PDE4B: variants seen among roughly 807,000 people sequenced by gnomAD.
PDE4B encodes the protein 3',5'-cyclic-AMP phosphodiesterase 4B.
Under a neutral mutation model 82.2 loss-of-function variants are expected in PDE4B, and 20 were observed. That is an observed-to-expected ratio of 0.24 (90% confidence interval 0.17 to 0.35). The LOEUF (loss-of-function observed/expected upper bound fraction) is 0.35, where lower values mean the gene tolerates loss of function less well. Among genes scored for constraint, PDE4B ranks in the 10% least tolerant of loss-of-function variants. PDE4B has a pLI of 1.00. For synonymous variants in PDE4B, 320 were observed against 318.9 expected, an observed-to-expected ratio of 1.00 and a Z score of -0.04; for missense variants, 655 against 907.2, an observed-to-expected ratio of 0.72 and a Z score of 3.57.
chr1:66,006,222 A>T (rs539295586), intron 3 of PDE4B, among the ~76,000 whole-genome samples: 1 of 152,296 alleles, frequency 6.6e-6, no homozygotes, highest in South Asian at 2.1e-4. Context: ...GCATTTGTGT[A>T]TGTTAGTCCT....
intron 1 of PDE4B, among the ~76,000 whole-genome samples, chr1:65,858,045 C>A (rs1237289153): frequency 6.6e-6 from 1 of 152,150 alleles, no homozygotes; most frequent in East Asian, 1.9e-4. Flanking sequence ...TTTGTCTGAA[C>A]TTCGAAGTTC....
chr1:66,207,406 A>G (rs926831903), intron 3 of PDE4B, among the ~76,000 whole-genome samples: 3 of 152,194 alleles, frequency 2.0e-5, no homozygotes, highest in Non-Finnish European at 4.4e-5. Flanking sequence ...TGATGTTGTA[A>G]ATATTTATGA....
chr1:66,034,649 A>G (rs1653971958), intron 3 of PDE4B, among the ~76,000 whole-genome samples: 1 of 152,188 alleles, frequency 6.6e-6, no homozygotes, highest in African/African-American at 2.4e-5. Context: ...TTGAACTCAC[A>G]CACAACCTTT....
intron 3 of PDE4B, among the ~76,000 whole-genome samples, chr1:65,973,418 T>G (rs973622423): frequency 1.3e-5 from 2 of 152,162 alleles, no homozygotes; most frequent in African/African-American, 4.8e-5. Flanking sequence ...TGGGTTTGAA[T>G]AAAACTTCAG....
intron 3 of PDE4B, among the ~76,000 whole-genome samples, chr1:66,246,309 AC>A (rs1653306341): frequency 6.6e-6 from 1 of 152,236 alleles, no homozygotes; most frequent in African/African-American, 2.4e-5. Flanking sequence ...AGCAAAATCC[AC>A]CCAAAGTGAG....
At chr1:66,239,531 T>C (rs911681417) in intron 3 of PDE4B, among the ~76,000 whole-genome samples, 1 of 152,202 alleles carries the variant, frequency 6.6e-6, no homozygotes, top group Admixed American at 6.5e-5. Context: ...AAGACATACT[T>C]TGTAATTCCT....
chr1:65,919,181 A>G (rs1231548954), intron 3 of PDE4B, among the ~76,000 whole-genome samples: 1 of 152,244 alleles, frequency 6.6e-6, no homozygotes, highest in Non-Finnish European at 1.5e-5. Flanking sequence ...AAAACAAATT[A>G]CATGTTACTA....
chr1:66,194,070 T>C (rs979675202), intron 3 of PDE4B, among the ~76,000 whole-genome samples: 2 of 152,010 alleles, frequency 1.3e-5, no homozygotes, highest in African/African-American at 4.8e-5. Flanking sequence ...GGCTGCACTT[T>C]GAACTAACTC....
intron 3 of PDE4B, among the ~76,000 whole-genome samples, chr1:65,932,923 C>G (rs1362835601): frequency 6.6e-6 from 1 of 151,790 alleles, no homozygotes. Flanking sequence ...AAACGAATGA[C>G]AAAAATAAAG....
Position 66,164,668 on chromosome 1 carries a change from G to A in PDE4B, c.282-82792G>A, listed in dbSNP as rs552640758. Among the ~76,000 whole-genome samples, 27 of 150,604 alleles carry A rather than the reference G, an allele frequency of 1.8e-4. No individual in the cohort carries two copies. The East Asian group carries it at 5.0e-3, about 28-fold the overall frequency. On this transcript the variant is annotated intron_variant, in intron 3 of 16. Coordinates refer to ENST00000341517, the MANE Select transcript of PDE4B (RefSeq NM_002600.4). ...ATATAGAGTCTAAGAACTTAAATTC[G>A]AGCCCTGACTCTGGATATTCTGTAT...
At chr1:66,196,435 G>C (rs1306165450) in intron 3 of PDE4B, among the ~76,000 whole-genome samples, 1 of 152,190 alleles carries the variant, frequency 6.6e-6, no homozygotes, top group African/African-American at 2.4e-5. Flanking sequence ...GCTCCATCTT[G>C]TTTTGCTGTC....
intron 3 of PDE4B, among the ~76,000 whole-genome samples, chr1:66,058,575 C>A (rs6588183): frequency 0.52 from 79,585 of 152,092 alleles, 20,968 homozygotes; most frequent in East Asian, 0.58. Flanking sequence ...GCAGAGGTTC[C>A]CAAACCTCAG....
chr1:66,003,953 C>T (rs921448088), intron 3 of PDE4B, among the ~76,000 whole-genome samples: 1 of 152,130 alleles, frequency 6.6e-6, no homozygotes, highest in African/African-American at 2.4e-5. Context: ...TTCACATGCT[C>T]ATTTATCAAA....
intron 1 of PDE4B, among the ~76,000 whole-genome samples, chr1:65,902,535 C>T (rs1392340831): frequency 6.6e-6 from 1 of 152,126 alleles, no homozygotes; most frequent in Non-Finnish European, 1.5e-5. Flanking sequence ...ACTTACATAA[C>T]TTTCCTCTAA....
rs1410702338 is a variant in PDE4B, at chr1:66,148,878, A to G, written c.282-98582A>G. ...TTGGATAATATTCCATTGTATGGCT[A>G]CACCATATTTTGTTTATCCACTCAT... On this transcript the variant is annotated intron_variant, in intron 3 of 16. Coordinates refer to ENST00000341517, the MANE Select transcript of PDE4B (RefSeq NM_002600.4). 7.9e-5 allele frequency among the ~76,000 whole-genome samples: 12 copies of G among 152,196 alleles called. 1 individual carries two copies. The highest frequency in any genetic ancestry group is 4.6e-4 in the Admixed American group (7 of 15,274).
At chr1:65,997,897 G>C (rs1365639162) in intron 3 of PDE4B, among the ~76,000 whole-genome samples, 1 of 152,130 alleles carries the variant, frequency 6.6e-6, no homozygotes, top group East Asian at 1.9e-4. Flanking sequence ...ACTACCACTA[G>C]AGAGTGAGTC....
chr1:66,346,780 G>A (rs2101973862), intron 8 of PDE4B, among the ~76,000 whole-genome samples: 1 of 152,296 alleles, frequency 6.6e-6, no homozygotes, highest in East Asian at 1.9e-4. Context: ...GGTACCATGA[G>A]CTCAGATTAT....
chr1:65,991,638 T>C (rs140219762), intron 3 of PDE4B, among the ~76,000 whole-genome samples: 1 of 152,210 alleles, frequency 6.6e-6, no homozygotes, highest in Non-Finnish European at 1.5e-5. Context: ...CTCATATGCC[T>C]TTTAAAGTAT....
chr1:65,976,359 T>G (rs1333403209), intron 3 of PDE4B, among the ~76,000 whole-genome samples: 2 of 152,174 alleles, frequency 1.3e-5, no homozygotes, highest in Non-Finnish European at 2.9e-5. Context: ...TGTACCCTCA[T>G]TTTATTTTGG....
Sources: allele counts gnomAD v4.1 joint callset (sites outside exome capture counted in the v4.1 genomes callset), GRCh38; gene constraint gnomAD v4.1.1; transcripts MANE v1.5; gene names NCBI Gene and HGNC (gene_info 2026-07-23, HGNC 2026-07-21).